The following MAMLD1 variants were observed in gnomAD, a reference collection of about 807,000 sequenced individuals.
MAMLD1 encodes the protein mastermind like domain containing 1.
Under a neutral mutation model 45.0 loss-of-function variants are expected in MAMLD1, and 14 were observed. That is an observed-to-expected ratio of 0.31 (90% CI 0.21 to 0.49). The LOEUF is 0.49. Ranked by LOEUF, MAMLD1 falls within the 20% of genes least tolerant of loss-of-function variation. MAMLD1 has a pLI of 0.99. For synonymous variants in MAMLD1, 254 were observed against 247.8 expected, an observed-to-expected ratio of 1.02 and a Z score of -0.24; for missense variants, 543 against 603.6, an observed-to-expected ratio of 0.90 and a Z score of 1.05.
At chrX:150,437,249 G>C (rs2035151735) in intron 1 of MAMLD1, among the ~76,000 whole-genome samples, 2 of 111,805 alleles carry the variant, frequency 1.8e-5, no homozygotes, top group African/African-American at 6.5e-5. Context: ...TTCTTTGGTT[G>C]GGGTGGGTGC....
At position 150,471,204 on chromosome X, in the gene MAMLD1, C is replaced by T. The variant is rs2036413742; in HGVS notation, c.1631C>T (p.Pro544Leu). 3 of 1,210,218 alleles carry T rather than the reference C, an allele frequency of 2.5e-6. No homozygotes were observed. Among genetic ancestry groups the T allele is most frequent in the Admixed American group, 2.2e-5 (1 of 45,815 alleles). Residue 544 changes from proline (P) to leucine (L), a missense_variant, in exon 4 of 8, where the codon CCC (proline) becomes CTC (leucine). Transcript: ENST00000370401. ...CCATTTACTTTTGGCAACACCAAGC[C>T]CTTGTCCCATTTTGTTTCTGAGCCG... is the stretch of plus-strand genomic sequence containing the variant. ...TEPFTFGNTK[P>L]LSHFVSEPGP...
intron 1 of MAMLD1, among the ~76,000 whole-genome samples, chrX:150,399,913 A>T (rs1319620761): frequency 8.9e-6 from 1 of 112,369 alleles, no homozygotes; most frequent in Non-Finnish European, 1.9e-5. Flanking sequence ...TGAGGGGCTG[A>T]TGAGGAGACA....
chrX:150,465,978 G>A (rs186115705), intron 3 of MAMLD1, among the ~76,000 whole-genome samples: 91 of 112,394 alleles, frequency 8.1e-4, no homozygotes, highest in African/African-American at 2.4e-3. Flanking sequence ...CTAAAATGGT[G>A]GCTGTGGGAT....
At chrX:150,402,002 A>T (rs1248180857) in intron 1 of MAMLD1, among the ~76,000 whole-genome samples, 19 of 111,899 alleles carry the variant, frequency 1.7e-4, no homozygotes, top group African/African-American at 5.2e-4. Context: ...ATTCAGGACA[A>T]AGGCATGGAC....
chrX:150,506,017 C>T (rs782209147), intron 6 of MAMLD1, among the ~76,000 whole-genome samples: 1 of 112,652 alleles, frequency 8.9e-6, no homozygotes, highest in South Asian at 3.7e-4. Context: ...ATGCAGTATA[C>T]TATCTTCCTG....
chrX:150,493,531 C>A (rs191162926), intron 5 of MAMLD1, among the ~76,000 whole-genome samples: 68 of 111,377 alleles, frequency 6.1e-4, no homozygotes, highest in Admixed American at 1.2e-3. Context: ...ATGTACCCAC[C>A]AACCAGGTTC....
chrX:150,484,035 T>C (rs2036906117), intron 5 of MAMLD1, among the ~76,000 whole-genome samples: 1 of 112,483 alleles, frequency 8.9e-6, no homozygotes, highest in Admixed American at 9.4e-5. Context: ...CACAGTGTGT[T>C]TGTAACTCTG....
chrX:150,510,876 T>C (rs2037876604), intron 7 of MAMLD1, among the ~76,000 whole-genome samples: 1 of 111,459 alleles, frequency 9.0e-6, no homozygotes, highest in Non-Finnish European at 1.9e-5. Context: ...AACAGCGGAG[T>C]CTGTGTCCCA....
At chrX:150,415,416 T>C (rs2034224872) in intron 1 of MAMLD1, among the ~76,000 whole-genome samples, 2 of 112,934 alleles carry the variant, frequency 1.8e-5, no homozygotes, top group South Asian at 7.4e-4. Context: ...TTAACAGGAC[T>C]TTACTGTACC....
At chrX:150,483,486 T>C (rs1471526685) in intron 5 of MAMLD1, among the ~76,000 whole-genome samples, 1 of 112,606 alleles carries the variant, frequency 8.9e-6, no homozygotes, top group African/African-American at 3.2e-5. Context: ...TTGGAAACTG[T>C]TTTGAGCATT....
At chrX:150,364,417 G>A (rs1042891329) in intron 1 of MAMLD1, among the ~76,000 whole-genome samples, 1 of 112,990 alleles carries the variant, frequency 8.9e-6, no homozygotes, top group African/African-American at 3.2e-5. Context: ...CAGAAAGCTC[G>A]GCCCTGAAGC....
intron 1 of MAMLD1, among the ~76,000 whole-genome samples, chrX:150,425,584 T>G (rs2034676040): frequency 8.9e-6 from 1 of 112,020 alleles, no homozygotes; most frequent in Non-Finnish European, 1.9e-5. Context: ...CTAGGTTGGG[T>G]GATGCCTTCA....
intron 5 of MAMLD1, among the ~76,000 whole-genome samples, chrX:150,493,791 T>C (rs1557408080): frequency 1.8e-5 from 2 of 112,333 alleles, no homozygotes; most frequent in Non-Finnish European, 3.7e-5. Flanking sequence ...TTTTTAAATA[T>C]ATTTTATGAC....
intron 1 of MAMLD1, among the ~76,000 whole-genome samples, chrX:150,397,210 AT>A (rs1242869916): frequency 1.8e-5 from 2 of 111,571 alleles, no homozygotes; most frequent in Non-Finnish European, 3.8e-5. Context: ...TTTATGTTTT[AT>A]TTTTTTCCAT....
intron 1 of MAMLD1, among the ~76,000 whole-genome samples, chrX:150,370,786 A>G (rs1354476392): frequency 1.8e-5 from 2 of 111,810 alleles, no homozygotes; most frequent in African/African-American, 6.5e-5. Context: ...ACATCTTTAT[A>G]ACATCCAAAG....
chrX:150,419,137 A>G (rs781859598), intron 1 of MAMLD1, among the ~76,000 whole-genome samples: 5 of 98,913 alleles, frequency 5.1e-5, no homozygotes, highest in African/African-American at 1.9e-4. Context: ...TTGGGTGCAT[A>G]TATATTTAGG....
chrX:150,455,646 T>A (rs782785029), intron 2 of MAMLD1, among the ~76,000 whole-genome samples: 24 of 111,913 alleles, frequency 2.1e-4, no homozygotes, highest in Non-Finnish European at 4.3e-4. Flanking sequence ...TTGCCCAAGG[T>A]GACCACCAAT....
In MAMLD1 at chrX:150,513,305, T is replaced by G; in HGVS notation, c.*1346T>G. On this transcript the variant is annotated 3_prime_UTR_variant, in exon 8 of 8. Transcript: ENST00000370401. The stretch of plus-strand genomic sequence containing the variant: ...ACATTAATGACAGAAGTATTTATAC[T>G]TCATTTTGTGACTTTGTAAATAAAG... 2.6e-6 allele frequency: 1 copy of G among 379,108 alleles called. No individual in the cohort carries two copies. Among genetic ancestry groups the G allele is most frequent in the Non-Finnish European group, 4.5e-6 (1 of 221,492 alleles). 31.2% of individuals were successfully genotyped at this position (379,108 alleles called of 1,213,427 possible).
chrX:150,402,896 G>A (rs2033839748), intron 1 of MAMLD1, among the ~76,000 whole-genome samples: 1 of 110,276 alleles, frequency 9.1e-6, no homozygotes, highest in Admixed American at 9.7e-5. Context: ...CACAGGAAGG[G>A]GAACATCACA....
Sources: gnomAD v4.1 joint callset for allele counts (sites outside exome capture counted in the v4.1 genomes callset) on GRCh38, gnomAD v4.1.1 for gene constraint, MANE v1.5 for transcripts, NCBI Gene and HGNC (gene_info 2026-07-23, HGNC 2026-07-21) for gene names.